Variants in LMNB2 observed in about 807,000 individuals in gnomAD.
LMNB2 encodes the protein lamin-B2.
A neutral mutation model predicts 69.3 loss-of-function variants in LMNB2; 17 were observed. The observed-to-expected ratio is 0.25, with a 90% CI of 0.17 to 0.37. The LOEUF is 0.37. Among genes scored for constraint, LMNB2 ranks in the 10% least tolerant of loss-of-function variants. LMNB2 has a pLI of 1.00. For missense variants in LMNB2, 789 were observed against 883.6 expected, an observed-to-expected ratio of 0.89 and a Z score of 1.36; for synonymous variants, 397 against 389.3, an observed-to-expected ratio of 1.02 and a Z score of -0.23.
chr19:2,446,550 C>T (rs554541908), intron 1 of LMNB2, among the ~76,000 whole-genome samples: 55 of 152,348 alleles, frequency 3.6e-4, no homozygotes, highest in African/African-American at 1.3e-3. Context: ...CCTGCCTCCC[C>T]TCCTCCCACA....
rs776556197 is a variant in LMNB2 at position 2,435,138 on chromosome 19, G to C, written c.718C>G (p.Arg240Gly). Residue 240 changes from arginine (R) to glycine (G), a missense_variant, in exon 5 of 12, where the codon CGC becomes GGC. By Grantham distance (125) the Arg-to-Gly change is moderately radical. Coordinates refer to ENST00000325327, the MANE Select transcript of LMNB2 (RefSeq NM_032737.4). ...VRETRRRHERRLVEVDSSRQQ... is the reference protein window; with the variant it reads ...VRETRRRHERGLVEVDSSRQQ... ...CGGCTGCTGTCCACCTCCACCAGGC[G>C]CCGCTCGTGCCGCCGCCGCGTCTCC... 6.2e-7 allele frequency: 1 copy of C among 1,604,978 alleles called. No homozygotes were observed.
At chr19:2,437,078 A>G (rs73510380) in intron 4 of LMNB2, 56,433 of 152,532 alleles carry the variant, frequency 0.37, 11,286 homozygotes, top group African/African-American at 0.54. Context: ...GGGCCTGGCC[A>G]GAGCGGGGCG....
At position 2,456,712 on chromosome 19, in the gene LMNB2, G is replaced by A. The variant is rs764843602; in HGVS notation, c.222C>T (p.Leu74=). Residue 74 remains leucine, a synonymous_variant, in exon 1 of 12, where the codon CTC becomes CTT. Transcript: ENST00000325327. The part of the protein sequence containing the change: ...VRALELENDR[L]LLKISEKEEV... ...CCTCCTTCTCTGAGATCTTGAGCAGGAGCCGGTCGTTCTCCAGCTCCAGCG... is the reference window on the plus strand; with the variant it reads ...CCTCCTTCTCTGAGATCTTGAGCAGAAGCCGGTCGTTCTCCAGCTCCAGCG... 1.9e-6 allele frequency: 3 copies of A among 1,562,374 alleles called. No individual in the cohort carries two copies. Among genetic ancestry groups the A allele is most frequent in the Admixed American group, 1.8e-5 (1 of 55,622 alleles).
intron 2 of LMNB2, among the ~76,000 whole-genome samples, chr19:2,440,465 C>T (rs1433283934): frequency 1.3e-5 from 2 of 152,208 alleles, no homozygotes; most frequent in East Asian, 1.9e-4. Flanking sequence ...GCTGGGATTA[C>T]AGGCATGAGC....
In LMNB2 at chr19:2,453,924, A is replaced by C. The variant is rs990905424; in HGVS notation, c.264+2746T>G. Among the ~76,000 whole-genome samples, 2 of 152,202 alleles carry C rather than the reference A, an allele frequency of 1.3e-5. No individual in the cohort carries two copies. Among genetic ancestry groups the C allele is most frequent in the Non-Finnish European group, 2.9e-5 (2 of 68,036 alleles). ...CAGCAGGCGGCCTCTAAGTTGGGAC[A>C]ACTCCGCACTGGACAGATGGCAAGA... On this transcript the variant is annotated intron_variant, in intron 1 of 11. Transcript: ENST00000325327. The surrounding 1 kb of genome is among the most constrained non-coding windows in gnomAD (Gnocchi z 4.4).
rs1021181768 is a variant in LMNB2, at chr19:2,443,574, G to A, written c.401+830C>T. 6.6e-5 allele frequency among the ~76,000 whole-genome samples: 10 copies of A among 152,148 alleles called. No individual in the cohort carries two copies. Among genetic ancestry groups the A allele is most frequent in the African/African-American group, 2.4e-4 (10 of 41,426 alleles). ...TCTGGGAGAATGAGCAGTGTGGGAA[G>A]ACCCTGACCCACCCCAGCCTGAGGA... On this transcript the variant is annotated intron_variant, in intron 2 of 11. Transcript: ENST00000325327. This position sits in a 1 kb window ranked among gnomAD's most constrained non-coding sequence, Gnocchi z 6.2.
rs145978406 is a variant in LMNB2 at position 2,431,573 on chromosome 19, C to T, written c.1796G>A (p.Gly599Asp). The T allele has an allele frequency of 1.6e-4, 266 of 1,614,034 alleles. 1 individual carries two copies. The highest frequency in any genetic ancestry group is 2.0e-4 in the South Asian group (18 of 91,096). The change falls in exon 11 of 12, where the codon GGC (glycine) becomes GAC (aspartate). Residue 599 changes from glycine to aspartate, a missense_variant. Coordinates refer to ENST00000325327, the MANE Select transcript of LMNB2 (RefSeq NM_032737.4). Reference protein sequence around the residue: ...GEEEEEEAEFGEEDLFHQQGD... With the variant: ...GEEEEEEAEFDEEDLFHQQGD... ...CTGTTGGTGGAAAAGATCCTCCTCGCCAAACTCGGCTTCCTCCTCCTCTTC... is the reference window on the plus strand; with the variant it reads ...CTGTTGGTGGAAAAGATCCTCCTCGTCAAACTCGGCTTCCTCCTCCTCTTC...
At position 2,434,782 on chromosome 19, in the gene LMNB2, C is replaced by A; in HGVS notation, c.981+6G>T. On this transcript the variant is annotated splice_donor_region_variant and intron_variant, in intron 6 of 11. Coordinates refer to ENST00000325327, the MANE Select transcript of LMNB2 (RefSeq NM_032737.4). Reference sequence around the variant, plus strand: ...GGACGGCAGACGGTGGCGCTGTGCTCATCACCTGCTTCTGGAGGCCGGAGA... The same window carrying A: ...GGACGGCAGACGGTGGCGCTGTGCTAATCACCTGCTTCTGGAGGCCGGAGA... 1 of 1,604,254 alleles carries A rather than the reference C, an allele frequency of 6.2e-7. No homozygotes were observed. The highest frequency in any genetic ancestry group is 1.1e-5 in the South Asian group (1 of 89,936).
chr19:2,447,825 C>G lies in LMNB2; in HGVS notation c.265-3285G>C, dbSNP rs1280762465. ...GACCGGGCCTCTTCTGAGGTGGGAC[C>G]CTCAGCCTCAAACCAACGCATGCTG... is the stretch of plus-strand genomic sequence containing the variant. On this transcript the variant is annotated intron_variant, in intron 1 of 11. Coordinates refer to ENST00000325327, the MANE Select transcript of LMNB2 (RefSeq NM_032737.4). The surrounding 1 kb of genome is among the most constrained non-coding windows in gnomAD (Gnocchi z 4.4). Among the ~76,000 whole-genome samples, 1 of 152,190 alleles carries G rather than the reference C, an allele frequency of 6.6e-6. No homozygotes were observed. The highest frequency in any genetic ancestry group is 1.5e-5 in the Non-Finnish European group (1 of 68,022).
chr19:2,454,192 C>T (rs968311419), intron 1 of LMNB2, among the ~76,000 whole-genome samples: 1 of 148,822 alleles, frequency 6.7e-6, no homozygotes, highest in East Asian at 2.0e-4. Context: ...ACTCGGGAGA[C>T]GGGGGCAGGA....
Position 2,430,638 on chromosome 19 carries a change from C to T in LMNB2, c.*273G>A, listed in dbSNP as rs1971727902. 8 of 542,708 alleles carry T rather than the reference C, an allele frequency of 1.5e-5. No homozygotes were observed. Among genetic ancestry groups the T allele is most frequent in the East Asian group, 1.3e-4 (4 of 29,918 alleles). 33.6% of individuals were successfully genotyped at this position (542,708 alleles called of 1,614,324 possible). A position where few individuals can be genotyped will look rare whatever the true frequency, so the allele number is the denominator to read the frequency against. The stretch of plus-strand genomic sequence containing the variant: ...CCAAGCCCAAGCATCTTCTAAACCT[C>T]CGGGTCCTGGCCCTGGGCTTCCAAT... On this transcript the variant is annotated 3_prime_UTR_variant, in exon 12 of 12. Transcript: ENST00000325327.
chr19:2,456,772 G>A lies in LMNB2; in HGVS notation c.162C>T (p.Asn54=), dbSNP rs1421654383. The part of the protein sequence containing the change: ...LQEKEELREL[N]DRLAHYIDRV... Reference sequence around the variant, plus strand: ...GGTCGATGTAGTGCGCCAGGCGGTCGTTGAGCTCGCGCAGCTCCTCCTTCT... The same window carrying A: ...GGTCGATGTAGTGCGCCAGGCGGTCATTGAGCTCGCGCAGCTCCTCCTTCT... Residue 54 remains asparagine, a synonymous_variant, in exon 1 of 12, where the codon AAC becomes AAT. Transcript: ENST00000325327. 2 of 1,545,580 alleles carry A rather than the reference G, an allele frequency of 1.3e-6. No homozygotes were observed. The highest frequency in any genetic ancestry group is 8.7e-7 in the Non-Finnish European group (1 of 1,145,648).
chr19:2,443,399 C>T lies in LMNB2; in HGVS notation c.401+1005G>A, dbSNP rs1971918683. 6.6e-6 allele frequency among the ~76,000 whole-genome samples: 1 copy of T among 152,176 alleles called. No individual in the cohort carries two copies. Among genetic ancestry groups the T allele is most frequent in the South Asian group, 2.1e-4 (1 of 4,828 alleles). On this transcript the variant is annotated intron_variant, in intron 2 of 11. Transcript: ENST00000325327. This position sits in a 1 kb window ranked among gnomAD's most constrained non-coding sequence, Gnocchi z 6.2. ...ATGGGGGCCCCGGCACTGTTGGACA[C>T]AGGGTCCCCGGTCATTCCTCTGGCC...
At chr19:2,437,387 T>C (rs970818435) in intron 4 of LMNB2, among the ~76,000 whole-genome samples, 2 of 152,238 alleles carry the variant, frequency 1.3e-5, no homozygotes, top group Admixed American at 6.5e-5. Context: ...AAGATGCACC[T>C]GACGCCTGCC....
At chr19:2,455,273 C>CA (rs1233620902) in intron 1 of LMNB2, among the ~76,000 whole-genome samples, 1 of 151,982 alleles carries the variant, frequency 6.6e-6, no homozygotes, top group Non-Finnish European at 1.5e-5. Flanking sequence ...GGAGACCCCC[C>CA]ACACACCCCA....
intron 1 of LMNB2, among the ~76,000 whole-genome samples, chr19:2,449,873 C>A (rs1009144321): frequency 2.0e-5 from 3 of 151,802 alleles, no homozygotes; most frequent in Admixed American, 2.0e-4. Context: ...GTCAGGAGTT[C>A]GAGACCAGCC....
At chr19:2,456,002 G>A (rs1463830525) in intron 1 of LMNB2, among the ~76,000 whole-genome samples, 2 of 150,542 alleles carry the variant, frequency 1.3e-5, no homozygotes, top group East Asian at 4.0e-4. Context: ...CCGCGATCGC[G>A]CACCCCGCGG....
At chr19:2,445,176 C>A (rs188463337) in intron 1 of LMNB2, among the ~76,000 whole-genome samples, 1 of 151,772 alleles carries the variant, frequency 6.6e-6, no homozygotes, top group Admixed American at 6.6e-5. Context: ...CTGCCCCCAC[C>A]AGCCTTTGCA....
At chr19:2,432,840 T>G (rs1490759304) in intron 8 of LMNB2, among the ~76,000 whole-genome samples, 3 of 102,876 alleles carry the variant, frequency 2.9e-5, no homozygotes, top group Non-Finnish European at 5.8e-5. Flanking sequence ...CCCCATCAGC[T>G]GGGTCACCCC....
Sources: gnomAD v4.1 joint callset for allele counts (sites outside exome capture counted in the v4.1 genomes callset) on GRCh38, gnomAD v4.1.1 for gene constraint, Gnocchi (gnomAD v3.1) non-coding constraint, MANE v1.5 for transcripts, NCBI Gene and HGNC (gene_info 2026-07-23, HGNC 2026-07-21) for gene names.